SLIT3: variants seen among roughly 807,000 people sequenced by gnomAD.
The protein encoded by SLIT3 is slit homolog 3 protein.
In SLIT3, 68 loss-of-function variants were observed where a neutral mutation model predicts 184.0. The ratio of observed to expected loss-of-function variants is 0.37; its 90% CI spans 0.30 to 0.45. The LOEUF (loss-of-function observed/expected upper bound fraction) is 0.45, where lower values mean the gene tolerates loss of function less well. Ranked by LOEUF, SLIT3 falls within the 20% of genes least tolerant of loss-of-function variation. The pLI, the probability that SLIT3 is intolerant of heterozygous loss-of-function variation, is 1.00. For missense variants in SLIT3, 1,707 were observed against 2,026.0 expected (o/e 0.84, Z 3.02); for synonymous variants, 831 against 828.6 (o/e 1.00, Z -0.05).
chr5:168,876,847 C>T (rs904376681), intron 5 of SLIT3, among the ~76,000 whole-genome samples: 1 of 152,052 alleles, frequency 6.6e-6, no homozygotes, highest in Non-Finnish European at 1.5e-5. Flanking sequence ...TTATTCTTTC[C>T]TATAGTATAT....
intron 20 of SLIT3, among the ~76,000 whole-genome samples, chr5:168,743,114 A>G (rs7723829): frequency 0.44 from 66,978 of 151,682 alleles, 15,330 homozygotes; most frequent in East Asian, 0.55. Context: ...TCTGTCCCCA[A>G]AAGCATTATT....
intron 4 of SLIT3, among the ~76,000 whole-genome samples, chr5:168,955,732 T>G (rs972676154): frequency 2.0e-5 from 3 of 152,154 alleles, no homozygotes; most frequent in African/African-American, 7.2e-5. Context: ...GGCTAAGAGC[T>G]GGGAATTGAA....
chr5:168,788,391 G>T (rs78597355), intron 11 of SLIT3, among the ~76,000 whole-genome samples: 1 of 152,090 alleles, frequency 6.6e-6, no homozygotes. Flanking sequence ...CCAGGTGGGG[G>T]GAATATGTGC....
At chr5:168,838,163 AATTTTT>A (rs1758116171) in intron 6 of SLIT3, among the ~76,000 whole-genome samples, 1 of 152,148 alleles carries the variant, frequency 6.6e-6, no homozygotes, top group Admixed American at 6.5e-5. Flanking sequence ...TTTTAATTTT[AATTTTT>A]ATTTTTGTTA....
chr5:169,062,193 A>G (rs9313443), intron 4 of SLIT3, among the ~76,000 whole-genome samples: 32,346 of 152,072 alleles, frequency 0.21, 3,819 homozygotes, highest in African/African-American at 0.32. Flanking sequence ...CAGCAAAAAA[A>G]TAAATACATA....
chr5:168,691,746 G>A (rs1224463812), intron 29 of SLIT3, among the ~76,000 whole-genome samples: 1 of 152,224 alleles, frequency 6.6e-6, no homozygotes, highest in Non-Finnish European at 1.5e-5. Context: ...GCTGGGAGAA[G>A]AAGGAGGCAG....
intron 27 of SLIT3, among the ~76,000 whole-genome samples, chr5:168,697,117 T>C (rs1762086292): frequency 6.6e-6 from 1 of 152,230 alleles, no homozygotes; most frequent in South Asian, 2.1e-4. Flanking sequence ...ACCACCCTAC[T>C]TCCTTAACTG....
At chr5:168,757,058 A>C (rs1321133927) in intron 16 of SLIT3, among the ~76,000 whole-genome samples, 12 of 152,242 alleles carry the variant, frequency 7.9e-5, no homozygotes, top group Non-Finnish European at 1.6e-4. Flanking sequence ...TACAGGCAGC[A>C]GTAGCTGAAG....
chr5:169,137,331 C>CAGAGAGAGAGAGAGAGAG (rs766822479), intron 4 of SLIT3, among the ~76,000 whole-genome samples: 27 of 132,120 alleles, frequency 2.0e-4, no homozygotes, highest in African/African-American at 5.6e-4. Flanking sequence ...CACACACACA[C>CAGAGAGAGAGAGAGAGAG]ACACAGAGAG....
chr5:169,240,862 A>T, intron 3 of SLIT3, among the ~76,000 whole-genome samples: 1 of 147,118 alleles, frequency 6.8e-6, no homozygotes, highest in Non-Finnish European at 1.5e-5. Flanking sequence ...CCCTGAGACT[A>T]TCATAATTTT....
chr5:168,702,264 G>A (rs565729386), intron 26 of SLIT3, among the ~76,000 whole-genome samples: 19 of 152,270 alleles, frequency 1.2e-4, no homozygotes, highest in South Asian at 4.1e-4. Flanking sequence ...ATTCATGATC[G>A]CATATCATGT....
chr5:168,722,595 C>A (rs74617868), intron 22 of SLIT3, among the ~76,000 whole-genome samples: 3 of 152,128 alleles, frequency 2.0e-5, no homozygotes, highest in South Asian at 2.1e-4. Context: ...TGAGTACTCA[C>A]AATGTGTAAA....
chr5:169,166,345 A>G (rs544004055), intron 4 of SLIT3, among the ~76,000 whole-genome samples: 1 of 152,302 alleles, frequency 6.6e-6, no homozygotes, highest in South Asian at 2.1e-4. Context: ...TGCTTCATTT[A>G]GCAGCGGGCA....
intron 4 of SLIT3, among the ~76,000 whole-genome samples, chr5:168,989,838 G>C (rs1266439245): frequency 6.6e-6 from 1 of 152,200 alleles, no homozygotes; most frequent in East Asian, 1.9e-4. Context: ...CCCATCTGAA[G>C]TTTCATTTCC....
rs116481536 is a variant in SLIT3, at chr5:168,764,866, G to A, written c.1460-2177C>T. 5.6e-3 allele frequency among the ~76,000 whole-genome samples: 849 copies of A among 152,224 alleles called. 4 individuals carry two copies. The highest frequency in any genetic ancestry group is 8.6e-3 in the Non-Finnish European group (583 of 68,022). ...CTCCTGCCCTTGGCTTGCCAGCTTC[G>A]TCCCTTTTGGTAACTCTGACCTGCA... On this transcript the variant is annotated intron_variant, in intron 14 of 35. Coordinates refer to ENST00000519560, the MANE Select transcript of SLIT3 (RefSeq NM_003062.4).
chr5:169,112,963 A>T (rs1760465585), intron 4 of SLIT3, among the ~76,000 whole-genome samples: 1 of 152,078 alleles, frequency 6.6e-6, no homozygotes. Context: ...CTACTTCCTC[A>T]TGTTTAACCA....
At chr5:169,102,204 G>A (rs1760045005) in intron 4 of SLIT3, among the ~76,000 whole-genome samples, 2 of 152,332 alleles carry the variant, frequency 1.3e-5, no homozygotes, top group South Asian at 4.1e-4. Flanking sequence ...TTGGGGTGGG[G>A]ATGAGAACTG....
At chr5:168,875,194 AAGAG>A (rs1759686135) in intron 5 of SLIT3, among the ~76,000 whole-genome samples, 1 of 124,286 alleles carries the variant, frequency 8.0e-6, no homozygotes, top group East Asian at 2.7e-4. Context: ...ACAGAGGGGG[AAGAG>A]AGAAAGGGGG....
chr5:169,230,685 A>T (rs1421074463), intron 3 of SLIT3, among the ~76,000 whole-genome samples: 1 of 152,190 alleles, frequency 6.6e-6, no homozygotes, highest in African/African-American at 2.4e-5. Context: ...AAGAGGAGGA[A>T]ATTGGATAAT....
Sources: gnomAD v4.1 joint callset for allele counts (sites outside exome capture counted in the v4.1 genomes callset) on GRCh38, gnomAD v4.1.1 for gene constraint, MANE v1.5 for transcripts, NCBI Gene and HGNC (gene_info 2026-07-23, HGNC 2026-07-21) for gene names.